ROBO1: variants seen among roughly 807,000 people sequenced by gnomAD.
ROBO1 encodes the protein roundabout homolog 1.
ROBO1 carries 149 observed loss-of-function variants against 195.9 expected under a neutral mutation model. That is an observed-to-expected ratio of 0.76 (90% confidence interval 0.67 to 0.87). The LOEUF is 0.87. Ranked by LOEUF, ROBO1 falls within the 40% of genes least tolerant of loss-of-function variation. The pLI is 0.00. For missense variants in ROBO1, 1,933 were observed against 2,068.3 expected (o/e 0.93, Z 1.27); for synonymous variants, 816 against 733.2 (o/e 1.11, Z -1.82).
intron 4 of ROBO1, among the ~76,000 whole-genome samples, chr3:78,898,524 AC>A (rs2037392614): frequency 2.0e-5 from 3 of 150,368 alleles, no homozygotes; most frequent in Non-Finnish European, 4.4e-5. Flanking sequence ...AGTAGCTGGG[AC>A]TACAGGCGCC....
chr3:79,537,106 T>G (rs555243466), intron 2 of ROBO1, among the ~76,000 whole-genome samples: 48 of 132,082 alleles, frequency 3.6e-4, no homozygotes, highest in Non-Finnish European at 5.8e-4. Context: ...TCTTTTTTCC[T>G]TTTTTTATTT....
intron 4 of ROBO1, among the ~76,000 whole-genome samples, chr3:78,825,165 C>A (rs1019017423): frequency 6.6e-6 from 1 of 152,090 alleles, no homozygotes; most frequent in Non-Finnish European, 1.5e-5. Context: ...TTTAAAAATA[C>A]CCTATATAGT....
chr3:79,228,357 T>A (rs1294765624), intron 2 of ROBO1, among the ~76,000 whole-genome samples: 1 of 152,156 alleles, frequency 6.6e-6, no homozygotes, highest in African/African-American at 2.4e-5. Flanking sequence ...CATTCAAAAC[T>A]GTGTGAAACA....
intron 2 of ROBO1, among the ~76,000 whole-genome samples, chr3:79,335,961 C>T (rs151209597): frequency 6.6e-6 from 1 of 152,238 alleles, no homozygotes; most frequent in South Asian, 2.1e-4. Context: ...AAAAAGGTGA[C>T]CCTTGCTGTG....
At chr3:79,561,765 T>C (rs574536560) in intron 2 of ROBO1, among the ~76,000 whole-genome samples, 1 of 152,206 alleles carries the variant, frequency 6.6e-6, no homozygotes, top group South Asian at 2.1e-4. Context: ...TAAAGAGAAT[T>C]GGACAGATAA....
At chr3:79,165,433 G>T (rs2108677525) in intron 2 of ROBO1, among the ~76,000 whole-genome samples, 1 of 152,336 alleles carries the variant, frequency 6.6e-6, no homozygotes, top group East Asian at 1.9e-4. Context: ...TGTGCTGAGT[G>T]AACTCAGTAT....
At chr3:79,458,416 C>A (rs1427894084) in intron 2 of ROBO1, among the ~76,000 whole-genome samples, 1 of 152,024 alleles carries the variant, frequency 6.6e-6, no homozygotes, top group Non-Finnish European at 1.5e-5. Flanking sequence ...TGTCTTGTTC[C>A]ACAACAGTGA....
chr3:78,949,836 C>G (rs1185224875), intron 3 of ROBO1, among the ~76,000 whole-genome samples: 1 of 152,094 alleles, frequency 6.6e-6, no homozygotes, highest in Non-Finnish European at 1.5e-5. Flanking sequence ...ACAACCCCAT[C>G]AAAAAGTGGG....
At chr3:78,646,125 T>C (rs748961398) in intron 21 of ROBO1, 23 bp downstream of exon 21, 1 of 1,599,360 alleles carries the variant, frequency 6.3e-7, no homozygotes, top group Non-Finnish European at 8.6e-7. Context: ...CTGTAGGATC[T>C]ACAAAACAAG....
At chr3:78,657,010 G>T in intron 18 of ROBO1, 88 bp downstream of exon 18, 1 of 1,245,322 alleles carries the variant, frequency 8.0e-7, no homozygotes, top group Non-Finnish European at 1.1e-6. Flanking sequence ...AATTAGCAAT[G>T]GTGGGTGGCT....
intron 3 of ROBO1, among the ~76,000 whole-genome samples, chr3:78,962,099 C>T (rs556671062): frequency 1.3e-5 from 2 of 152,278 alleles, no homozygotes; most frequent in East Asian, 3.9e-4. Context: ...AGTGAAAATA[C>T]TTGATCAAAG....
At chr3:79,682,049 CT>C (rs1330556497) in intron 1 of ROBO1, among the ~76,000 whole-genome samples, 1 of 151,896 alleles carries the variant, frequency 6.6e-6, no homozygotes, top group Admixed American at 6.6e-5. Flanking sequence ...TAATTTTCTT[CT>C]TTAAAGTAAA....
At chr3:79,342,390 G>A (rs761763180) in intron 2 of ROBO1, among the ~76,000 whole-genome samples, 67 of 152,232 alleles carry the variant, frequency 4.4e-4, no homozygotes, top group Middle Eastern at 3.4e-3. Context: ...GAAAAAGGGA[G>A]AAAGTGATAA....
At chr3:79,184,666 T>G (rs1473298595) in intron 2 of ROBO1, among the ~76,000 whole-genome samples, 1 of 152,100 alleles carries the variant, frequency 6.6e-6, no homozygotes, top group African/African-American at 2.4e-5. Context: ...GGTAAAAGGA[T>G]TTTGTGCTCA....
At chr3:79,744,307 AT>A (rs1387246949) in intron 1 of ROBO1, among the ~76,000 whole-genome samples, 8 of 152,168 alleles carry the variant, frequency 5.3e-5, no homozygotes, top group Admixed American at 1.3e-4. Context: ...GTATATAAAT[AT>A]GTATTTAGGA....
At chr3:79,160,194 T>C (rs1397253463) in intron 2 of ROBO1, among the ~76,000 whole-genome samples, 1 of 151,878 alleles carries the variant, frequency 6.6e-6, no homozygotes, top group Non-Finnish European at 1.5e-5. Context: ...TCTCAAGCGT[T>C]GATGTTCACA....
Position 78,746,911 on chromosome 3 carries a change from A to G in ROBO1, c.500-11T>C, listed in dbSNP as rs1269953245. 6.6e-7 allele frequency: 1 copy of G among 1,525,252 alleles called. No individual in the cohort carries two copies. Among genetic ancestry groups the G allele is most frequent in the Admixed American group, 1.9e-5 (1 of 53,202 alleles). The allele number at this position is 1,525,252 out of a possible 1,614,324, so 94.5% of individuals were successfully genotyped here. A position where few individuals can be genotyped will look rare whatever the true frequency, so the allele number is the denominator to read the frequency against. ...AGTCATCCCGAAGTACTGTAGGAAC[A>G]AGATTAAATCATTATACCCAAAAGT... On this transcript the variant is annotated splice_polypyrimidine_tract_variant and intron_variant, in intron 4 of 30. Transcript: ENST00000464233.
At chr3:78,762,062 TTAAC>T (rs1410680363) in intron 4 of ROBO1, among the ~76,000 whole-genome samples, 5 of 152,056 alleles carry the variant, frequency 3.3e-5, no homozygotes, top group Admixed American at 6.6e-5. Context: ...AAATGGGAAT[TTAAC>T]AATAATAATG....
intron 28 of ROBO1, 173 bp from the exon 29 acceptor site, chr3:78,607,214 A>T: frequency 1.6e-6 from 1 of 609,284 alleles, no homozygotes; most frequent in Non-Finnish European, 2.8e-6. Flanking sequence ...ATTTATGTTT[A>T]TTTATTTATT....
Sources: allele counts gnomAD v4.1 joint callset (sites outside exome capture counted in the v4.1 genomes callset), GRCh38; gene constraint gnomAD v4.1.1; transcripts MANE v1.5; gene names NCBI Gene and HGNC (gene_info 2026-07-23, HGNC 2026-07-21).